Variants in TENM2 observed in about 807,000 individuals in gnomAD.
TENM2 encodes the protein teneurin transmembrane protein 2.
A neutral mutation model predicts 245.2 loss-of-function variants in TENM2; 52 were observed. The ratio of observed to expected loss-of-function variants is 0.21; its 90% CI spans 0.17 to 0.27. The LOEUF (loss-of-function observed/expected upper bound fraction) is 0.27, where lower values mean the gene tolerates loss of function less well. Ranked by LOEUF, TENM2 falls within the 10% of genes least tolerant of loss-of-function variation. The pLI, the probability that TENM2 is intolerant of heterozygous loss-of-function variation, is 1.00. For synonymous variants in TENM2, 1,363 were observed against 1,438.9 expected, an observed-to-expected ratio of 0.95 and a Z score of 1.19; for missense variants, 3,046 against 3,666.8, an observed-to-expected ratio of 0.83 and a Z score of 4.37.
chr5:167,639,812 T>C (rs137989228), intron 2 of TENM2, among the ~76,000 whole-genome samples: 4 of 152,322 alleles, frequency 2.6e-5, no homozygotes, highest in Admixed American at 2.0e-4. Flanking sequence ...TAAGCTTCAC[T>C]GTTTTCCTAA....
chr5:168,009,927 T>G (rs1338701987), intron 5 of TENM2, among the ~76,000 whole-genome samples: 1 of 152,204 alleles, frequency 6.6e-6, no homozygotes, highest in African/African-American at 2.4e-5. Flanking sequence ...TAACCATTTC[T>G]AAGCTCAGTT....
intron 2 of TENM2, among the ~76,000 whole-genome samples, chr5:167,442,429 G>A (rs1389025632): frequency 6.6e-6 from 1 of 152,110 alleles, no homozygotes; most frequent in Non-Finnish European, 1.5e-5. Context: ...TTATAGAACA[G>A]TTTTTAATGT....
intron 1 of TENM2, among the ~76,000 whole-genome samples, chr5:167,318,117 C>T (rs944996989): frequency 3.3e-5 from 5 of 152,224 alleles, no homozygotes; most frequent in South Asian, 2.1e-4. Flanking sequence ...ATGGTGTGTT[C>T]CTTTGGATTG....
intron 2 of TENM2, among the ~76,000 whole-genome samples, chr5:167,537,121 G>A (rs1393014169): frequency 1.3e-5 from 2 of 151,940 alleles, no homozygotes; most frequent in African/African-American, 4.8e-5. Context: ...ATGTTTCAAA[G>A]TTTGTTGAGG....
chr5:167,974,834 C>T (rs540631720), intron 4 of TENM2, among the ~76,000 whole-genome samples: 7 of 152,322 alleles, frequency 4.6e-5, no homozygotes, highest in Non-Finnish European at 7.3e-5. Context: ...GAACTTCCCT[C>T]TTCTTCCTTG....
At chr5:167,656,014 G>T (rs757664770) in intron 2 of TENM2, among the ~76,000 whole-genome samples, 6 of 152,112 alleles carry the variant, frequency 3.9e-5, no homozygotes, top group Non-Finnish European at 8.8e-5. Flanking sequence ...GTTTCATATT[G>T]CGCCGGGCCT....
exon 2 of TENM2, chr5:167,375,441 C>G: frequency 6.4e-7 from 1 of 1,551,726 alleles, no homozygotes; most frequent in Non-Finnish European, 8.7e-7. Flanking sequence ...CTGACTGACT[C>G]TGACAACGAA....
Position 167,546,830 on chromosome 5 carries a change from A to G in TENM2, c.502+171357A>G, listed in dbSNP as rs374188455. Among the ~76,000 whole-genome samples, 36 of 152,222 alleles carry G rather than the reference A, an allele frequency of 2.4e-4. No homozygotes were observed. The East Asian group carries it at 5.4e-3, about 23-fold the overall frequency. On this transcript the variant is annotated intron_variant, in intron 2 of 28. Transcript: ENST00000518659. ...CCTCTCGGTCAACTTCAATGTGCTA[A>G]TTTACAACTTAACACTCTTAGGCCA...
At chr5:167,333,241 A>G (rs2127795155) in intron 1 of TENM2, among the ~76,000 whole-genome samples, 1 of 152,252 alleles carries the variant, frequency 6.6e-6, no homozygotes, top group Middle Eastern at 3.4e-3. Flanking sequence ...TGGGAGGGGG[A>G]ACACTCTTAT....
At chr5:168,132,287 T>C (rs1754660437) in intron 12 of TENM2, among the ~76,000 whole-genome samples, 1 of 152,172 alleles carries the variant, frequency 6.6e-6, no homozygotes, top group African/African-American at 2.4e-5. Flanking sequence ...GTCCTAGACG[T>C]TGAAGGGCTT....
intron 23 of TENM2, among the ~76,000 whole-genome samples, chr5:168,224,346 T>A (rs1188224298): frequency 2.6e-5 from 4 of 152,128 alleles, no homozygotes; most frequent in Non-Finnish European, 5.9e-5. Context: ...AAGATCTCCC[T>A]CCTCTCTCCC....
intron 1 of TENM2, among the ~76,000 whole-genome samples, chr5:167,344,325 T>TAGAG (rs1554136993): frequency 7.0e-6 from 1 of 143,534 alleles, no homozygotes; most frequent in Admixed American, 7.6e-5. Flanking sequence ...TATATATATA[T>TAGAG]ATATAGATAT....
At chr5:168,233,343 T>C (rs1291504694) in intron 25 of TENM2, among the ~76,000 whole-genome samples, 1 of 151,544 alleles carries the variant, frequency 6.6e-6, no homozygotes, top group Non-Finnish European at 1.5e-5. Context: ...AAAGAAGCAG[T>C]TACATCATGG....
chr5:168,104,395 C>T lies in TENM2; in HGVS notation c.1813+6268C>T, dbSNP rs545231293. 6.8e-4 allele frequency among the ~76,000 whole-genome samples: 104 copies of T among 152,302 alleles called. 4 individuals carry two copies. The South Asian group carries it at 0.018, about 26-fold the overall frequency. ...ATAAGGTCCTCCCTCATCACAAATT[C>T]GCATTCACCTTTGTTCCTTCACTGA... is the stretch of plus-strand genomic sequence containing the variant. On this transcript the variant is annotated intron_variant, in intron 9 of 28. Transcript: ENST00000518659.
chr5:167,900,198 A>C (rs1305201122), intron 3 of TENM2, among the ~76,000 whole-genome samples: 1 of 149,746 alleles, frequency 6.7e-6, no homozygotes, highest in Non-Finnish European at 1.5e-5. Flanking sequence ...ACTGAGGCAA[A>C]CGTTTTCCCT....
intron 2 of TENM2, among the ~76,000 whole-genome samples, chr5:167,402,569 T>C (rs1026813250): frequency 1.3e-5 from 2 of 152,106 alleles, no homozygotes; most frequent in African/African-American, 4.8e-5. Flanking sequence ...GAGATTAATG[T>C]CTCCCATCCT....
chr5:167,147,802 G>A, the TENM2 span, among the ~76,000 whole-genome samples: 1 of 152,046 alleles, frequency 6.6e-6, no homozygotes, highest in Non-Finnish European at 1.5e-5. Context: ...TAATTTTAAT[G>A]ACTATACACC....
At chr5:167,721,166 T>G (rs527520130) in intron 2 of TENM2, among the ~76,000 whole-genome samples, 1 of 152,236 alleles carries the variant, frequency 6.6e-6, no homozygotes, top group Non-Finnish European at 1.5e-5. Flanking sequence ...ATGTTATACC[T>G]AATCCCCATT....
At chr5:167,614,515 G>T (rs1014830776) in intron 2 of TENM2, among the ~76,000 whole-genome samples, 1 of 152,134 alleles carries the variant, frequency 6.6e-6, no homozygotes, top group Non-Finnish European at 1.5e-5. Flanking sequence ...CTTCTTATAA[G>T]ACAAGTGTAA....
Sources: gnomAD v4.1 joint callset for allele counts (sites outside exome capture counted in the v4.1 genomes callset) on GRCh38, gnomAD v4.1.1 for gene constraint, MANE v1.5 for transcripts, NCBI Gene and HGNC (gene_info 2026-07-23, HGNC 2026-07-21) for gene names.